Variants in THSD7B observed in about 807,000 individuals in gnomAD.
The protein encoded by THSD7B is thrombospondin type-1 domain-containing protein 7B.
A neutral mutation model predicts 213.6 loss-of-function variants in THSD7B; 138 were observed. The observed-to-expected ratio is 0.65, with a 90% confidence interval of 0.56 to 0.74. THSD7B has a LOEUF of 0.74. THSD7B is among the 30% of genes least tolerant of loss of function. The pLI is 0.00. For missense variants in THSD7B, 1,931 were observed against 1,991.5 expected (o/e 0.97, Z 0.58); for synonymous variants, 742 against 687.0 (o/e 1.08, Z -1.25).
intron 3 of THSD7B, among the ~76,000 whole-genome samples, chr2:137,078,370 T>A (rs1414293304): frequency 6.6e-6 from 1 of 152,174 alleles, no homozygotes; most frequent in Admixed American, 6.5e-5. Context: ...ATAGTAGAGT[T>A]TTTGCTTGAC....
intron 3 of THSD7B, among the ~76,000 whole-genome samples, chr2:137,089,005 C>T (rs1008109947): frequency 1.3e-5 from 2 of 152,078 alleles, no homozygotes; most frequent in Non-Finnish European, 2.9e-5. Context: ...ACAAGGAACA[C>T]TTCCGCCCTG....
chr2:137,005,779 T>C lies in THSD7B; in HGVS notation c.140-50641T>C, dbSNP rs1686094774. Reference sequence around the variant, plus strand: ...TATTGTTAGCTGAAATTTCACCTTCTAAAGATTTCATTTCTGTCTCTGCCT... The same window carrying C: ...TATTGTTAGCTGAAATTTCACCTTCCAAAGATTTCATTTCTGTCTCTGCCT... On this transcript the variant is annotated intron_variant, in intron 2 of 27. Transcript: ENST00000409968. Among the ~76,000 whole-genome samples, 4 of 152,200 alleles carry C rather than the reference T, an allele frequency of 2.6e-5. No homozygotes were observed. The South Asian group carries it at 8.3e-4, about 31-fold the overall frequency.
chr2:137,359,284 T>C lies in THSD7B; in HGVS notation c.2501-46329T>C, dbSNP rs549293491. ...TCCAGGAGCGAGGGCAAGCCACACA[T>C]GGAGAGTGGGCCAGGACTTTGATGA... On this transcript the variant is annotated intron_variant, in intron 12 of 27. Coordinates refer to ENST00000409968, the MANE Select transcript of THSD7B (RefSeq NM_001316349.2). Among the ~76,000 whole-genome samples, 6 of 152,244 alleles carry C rather than the reference T, an allele frequency of 3.9e-5. No homozygotes were observed. In the South Asian group the frequency reaches 1.2e-3, roughly 32 times the overall value.
At chr2:137,432,951 G>A (rs190473181) in intron 14 of THSD7B, among the ~76,000 whole-genome samples, 15 of 152,142 alleles carry the variant, frequency 9.9e-5, no homozygotes, top group East Asian at 9.6e-4. Flanking sequence ...GATTGTTAGC[G>A]TCTAATTCTT....
intron 12 of THSD7B, among the ~76,000 whole-genome samples, chr2:137,363,267 G>A (rs1459275861): frequency 6.6e-6 from 1 of 152,070 alleles, no homozygotes; most frequent in Admixed American, 6.6e-5. Context: ...AGCACTAAAT[G>A]CCCACAAGAG....
chr2:137,291,205 C>A (rs1457029101), intron 12 of THSD7B, among the ~76,000 whole-genome samples: 2 of 152,122 alleles, frequency 1.3e-5, no homozygotes, highest in Admixed American at 6.5e-5. Flanking sequence ...TTGTTGGAAT[C>A]CTATGTCCTG....
chr2:137,445,050 CAA>C (rs1687507323), intron 14 of THSD7B, among the ~76,000 whole-genome samples: 1 of 151,808 alleles, frequency 6.6e-6, no homozygotes, highest in Non-Finnish European at 1.5e-5. Flanking sequence ...ATCAAAACCA[CAA>C]TGAGATATTA....
At chr2:137,334,170 T>TTCTCTCTCTCTCTCTC (rs139280559) in intron 12 of THSD7B, among the ~76,000 whole-genome samples, 1 of 148,828 alleles carries the variant, frequency 6.7e-6, no homozygotes, top group African/African-American at 2.5e-5. Context: ...CTTTCTCTCT[T>TTCTCTCTCTCTCTCTC]TCTCTCTCTC....
intron 1 of THSD7B, among the ~76,000 whole-genome samples, chr2:136,778,845 A>G (rs1681662177): frequency 6.6e-6 from 1 of 152,232 alleles, no homozygotes; most frequent in Admixed American, 6.5e-5. Flanking sequence ...ACAGACATTT[A>G]CTAAATTCCT....
At chr2:137,156,199 C>T (rs989651933) in intron 5 of THSD7B, 1 of 152,158 alleles carries the variant, frequency 6.6e-6, no homozygotes. Context: ...CTGGTAAGTT[C>T]TTTGTGACTT....
chr2:137,675,403 CATAT>C (rs55940004), intron 27 of THSD7B, among the ~76,000 whole-genome samples: 1,358 of 116,096 alleles, frequency 0.012, 15 homozygotes, highest in African/African-American at 0.027. Context: ...AAATGAATGC[CATAT>C]ATATATATAT....
chr2:136,865,547 C>G (rs1683319092), intron 1 of THSD7B, among the ~76,000 whole-genome samples: 1 of 152,190 alleles, frequency 6.6e-6, no homozygotes, highest in East Asian at 1.9e-4. Flanking sequence ...ATTCCTTGAT[C>G]CTTCAAATGT....
At chr2:137,076,782 A>C (rs1361713719) in intron 3 of THSD7B, among the ~76,000 whole-genome samples, 1 of 149,532 alleles carries the variant, frequency 6.7e-6, no homozygotes, top group Admixed American at 6.6e-5. Flanking sequence ...TCACATTCCC[A>C]CTGCAAATTT....
chr2:137,135,831 AAG>A (rs1319443447), intron 5 of THSD7B, among the ~76,000 whole-genome samples: 2 of 150,362 alleles, frequency 1.3e-5, no homozygotes, highest in Non-Finnish European at 3.0e-5. Context: ...GGAAGAAATG[AAG>A]AGTTATATGC....
At chr2:137,532,994 CTATG>C (rs538636620) in intron 15 of THSD7B, among the ~76,000 whole-genome samples, 1 of 150,648 alleles carries the variant, frequency 6.6e-6, no homozygotes, top group Non-Finnish European at 1.5e-5. Flanking sequence ...CTGTCTGTAT[CTATG>C]TATCTATGTA....
At chr2:136,864,190 T>C (rs867180532) in intron 1 of THSD7B, among the ~76,000 whole-genome samples, 63 of 152,196 alleles carry the variant, frequency 4.1e-4, no homozygotes, top group Non-Finnish European at 2.8e-4. Context: ...CCTTGCTGAG[T>C]TGGCTTCCTC....
chr2:137,144,758 A>T (rs907276619), intron 5 of THSD7B, among the ~76,000 whole-genome samples: 4 of 152,038 alleles, frequency 2.6e-5, no homozygotes, highest in Non-Finnish European at 4.4e-5. Context: ...GGAGAAGAAC[A>T]TCATCATTGC....
chr2:137,637,940 T>C (rs1337879423), intron 20 of THSD7B, among the ~76,000 whole-genome samples: 2 of 152,162 alleles, frequency 1.3e-5, no homozygotes, highest in East Asian at 1.9e-4. Context: ...AGAATAAACA[T>C]TAAAGTTATT....
At chr2:137,054,320 A>G (rs1687120928) in intron 2 of THSD7B, among the ~76,000 whole-genome samples, 1 of 152,200 alleles carries the variant, frequency 6.6e-6, no homozygotes, top group Admixed American at 6.5e-5. Context: ...AGTCTCTAGT[A>G]TGTTTTCTAT....
Sources: allele counts gnomAD v4.1 joint callset (sites outside exome capture counted in the v4.1 genomes callset), GRCh38; gene constraint gnomAD v4.1.1; transcripts MANE v1.5; gene names NCBI Gene and HGNC (gene_info 2026-07-23, HGNC 2026-07-21).